Variants in TASP1 observed in about 807,000 individuals in gnomAD.
TASP1 encodes taspase 1.
In TASP1, 16 loss-of-function variants were observed where a neutral mutation model predicts 56.6. That is an observed-to-expected ratio of 0.28 (90% CI 0.19 to 0.43). The LOEUF is 0.43. Ranked by LOEUF, TASP1 falls within the 20% of genes least tolerant of loss-of-function variation. The pLI is 1.00. For synonymous variants in TASP1, 179 were observed against 184.2 expected (o/e 0.97, Z 0.23); for missense variants, 393 against 511.6 (o/e 0.77, Z 2.24).
intron 4 of TASP1, among the ~76,000 whole-genome samples, chr20:13,598,320 G>A (rs1409878542): frequency 6.6e-6 from 1 of 152,080 alleles, no homozygotes; most frequent in South Asian, 2.1e-4. Flanking sequence ...GCATAGTACT[G>A]GTACCAAAAC....
At chr20:13,420,178 T>C (rs142859055) in intron 12 of TASP1, among the ~76,000 whole-genome samples, 1 of 152,332 alleles carries the variant, frequency 6.6e-6, no homozygotes, top group African/African-American at 2.4e-5. Context: ...ATAAAGACAT[T>C]ACCCTTTATT....
chr20:13,204,528 C>CATATATATATAT, the TASP1 span, among the ~76,000 whole-genome samples: 3,390 of 145,240 alleles, frequency 0.023, 121 homozygotes, highest in African/African-American at 0.08. Context: ...TTTATATATT[C>CATATATATATAT]ATATATATAT....
Position 13,621,925 on chromosome 20 carries a change from T to C in TASP1, c.282+1521A>G, listed in dbSNP as rs1195720051. Among the ~76,000 whole-genome samples the C allele has an allele frequency of 2.6e-5, 4 of 152,238 alleles. No individual in the cohort carries two copies. The East Asian group carries it at 7.7e-4, about 29-fold the overall frequency. The stretch of plus-strand genomic sequence containing the variant: ...AATTTTCAACTAACAATTGAACTAG[T>C]TAAGTTAGATGAAGCCCTCTTTGTG... On this transcript the variant is annotated intron_variant, in intron 4 of 13. Transcript: ENST00000337743.
At chr20:13,408,599 T>C (rs2042002475) in intron 13 of TASP1, among the ~76,000 whole-genome samples, 1 of 152,188 alleles carries the variant, frequency 6.6e-6, no homozygotes, top group African/African-American at 2.4e-5. Flanking sequence ...AAATGTCTGA[T>C]ATAAAATGCC....
At chr20:13,418,017 AT>A (rs1471146764) in intron 12 of TASP1, among the ~76,000 whole-genome samples, 1 of 152,100 alleles carries the variant, frequency 6.6e-6, no homozygotes, top group Non-Finnish European at 1.5e-5. Context: ...GGTTCAAGTG[AT>A]TTTCCTGCCT....
chr20:13,434,154 T>C (rs2042923499), intron 12 of TASP1, among the ~76,000 whole-genome samples: 1 of 152,136 alleles, frequency 6.6e-6, no homozygotes, highest in South Asian at 2.1e-4. Flanking sequence ...ATTTTTTTTT[T>C]AATCTGCATG....
chr20:13,588,242 A>AAAGGAGGAAAGG, intron 4 of TASP1, among the ~76,000 whole-genome samples: 1 of 130,852 alleles, frequency 7.6e-6, no homozygotes, highest in South Asian at 2.7e-4. Flanking sequence ...AGAAAGAAAG[A>AAAGGAGGAAAGG]AAGGAAGAAA....
chr20:13,509,618 T>G lies in TASP1; in HGVS notation c.874+18815A>C, dbSNP rs577197755. On this transcript the variant is annotated intron_variant, in intron 10 of 13. Coordinates refer to ENST00000337743, the MANE Select transcript of TASP1 (RefSeq NM_017714.3). ...ATTTCTTTAAGAAGTGTTTTGTAATTCTTTTCCTGTTTTTGTTTTTGTTTT... is the reference window on the plus strand; with the variant it reads ...ATTTCTTTAAGAAGTGTTTTGTAATGCTTTTCCTGTTTTTGTTTTTGTTTT... Among the ~76,000 whole-genome samples, 48 of 152,234 alleles carry G rather than the reference T, an allele frequency of 3.2e-4. 2 individuals are homozygous for G. The South Asian group carries it at 1.0e-2, about 32-fold the overall frequency.
In TASP1 at chr20:13,521,756, A is replaced by G. The variant is rs574946606; in HGVS notation, c.874+6677T>C. Among the ~76,000 whole-genome samples the G allele has an allele frequency of 2.0e-5, 3 of 152,066 alleles. No individual in the cohort carries two copies. The East Asian group carries it at 5.8e-4, about 29-fold the overall frequency. ...TGTAACTAATCTGCACGTTGTGCACATGTACCCTAAAACTTAAAGTATAAT... is the reference window on the plus strand; with the variant it reads ...TGTAACTAATCTGCACGTTGTGCACGTGTACCCTAAAACTTAAAGTATAAT... On this transcript the variant is annotated intron_variant, in intron 10 of 13. Transcript: ENST00000337743.
At chr20:13,376,642 G>A in the TASP1 span, among the ~76,000 whole-genome samples, 2 of 152,260 alleles carry the variant, frequency 1.3e-5, no homozygotes, top group South Asian at 4.2e-4. Context: ...GATGGGGATA[G>A]CATAGAATCT....
chr20:13,353,853 A>C, the TASP1 span, among the ~76,000 whole-genome samples: 1 of 152,236 alleles, frequency 6.6e-6, no homozygotes, highest in Non-Finnish European at 1.5e-5. Flanking sequence ...AAAGACCACC[A>C]GACATTTGAG....
the TASP1 span, chr20:13,154,006 T>C: frequency 6.2e-7 from 1 of 1,613,848 alleles, no homozygotes; most frequent in Admixed American, 1.7e-5. Context: ...TTTTCAGGGC[T>C]GCAGAGAGTA....
At chr20:13,202,609 A>G in the TASP1 span, among the ~76,000 whole-genome samples, 67,607 of 149,442 alleles carry the variant, frequency 0.45, 16,511 homozygotes, top group African/African-American at 0.69. Context: ...AAATTTAACA[A>G]AGTCTAATTG....
At chr20:13,470,536 A>G (rs2044449520) in intron 11 of TASP1, among the ~76,000 whole-genome samples, 5 of 152,296 alleles carry the variant, frequency 3.3e-5, no homozygotes, top group Middle Eastern at 6.8e-3. Context: ...GGAATTATAC[A>G]TATGTATCTT....
the TASP1 span, chr20:13,117,652 A>T: frequency 6.2e-7 from 1 of 1,614,076 alleles, no homozygotes; most frequent in Non-Finnish European, 8.5e-7. Flanking sequence ...CTAGACCCTC[A>T]TGAAGTTGAT....
At chr20:13,212,267 G>T in the TASP1 span, among the ~76,000 whole-genome samples, 1 of 152,200 alleles carries the variant, frequency 6.6e-6, no homozygotes, top group Non-Finnish European at 1.5e-5. Context: ...TCTACAAAAT[G>T]TACAGCCACT....
At chr20:13,122,331 G>A in the TASP1 span, among the ~76,000 whole-genome samples, 3 of 152,228 alleles carry the variant, frequency 2.0e-5, no homozygotes, top group African/African-American at 7.2e-5. Context: ...ATATAGATGA[G>A]TAGATCAGGA....
chr20:13,610,242 T>G (rs1286861402), intron 4 of TASP1, among the ~76,000 whole-genome samples: 1 of 152,242 alleles, frequency 6.6e-6, no homozygotes, highest in South Asian at 2.1e-4. Flanking sequence ...CATTTTAAAA[T>G]GCTTCATTTT....
At chr20:13,236,495 T>C in the TASP1 span, among the ~76,000 whole-genome samples, 1 of 152,058 alleles carries the variant, frequency 6.6e-6, no homozygotes, top group Non-Finnish European at 1.5e-5. Flanking sequence ...AAATTTCATG[T>C]CCTAACATTT....
Sources: allele counts gnomAD v4.1 joint callset (sites outside exome capture counted in the v4.1 genomes callset), GRCh38; gene constraint gnomAD v4.1.1; transcripts MANE v1.5; gene names NCBI Gene and HGNC (gene_info 2026-07-23, HGNC 2026-07-21).